The following SEC14L1 variants were observed in gnomAD, a reference collection of about 807,000 sequenced individuals.
SEC14L1 encodes SEC14-like protein 1.
Under a neutral mutation model 85.3 loss-of-function variants are expected in SEC14L1, and 48 were observed. That is an observed-to-expected ratio of 0.56 (90% CI 0.45 to 0.72). The LOEUF is 0.72. SEC14L1 is among the 30% of genes least tolerant of loss of function. SEC14L1 has a pLI of 0.00. For missense variants in SEC14L1, 682 were observed against 921.4 expected (o/e 0.74, Z 3.36); for synonymous variants, 391 against 355.5 (o/e 1.10, Z -1.12).
At chr17:77,096,917 A>T (rs1035297345) in intron 3 of SEC14L1, among the ~76,000 whole-genome samples, 1 of 152,180 alleles carries the variant, frequency 6.6e-6, no homozygotes, top group African/African-American at 2.4e-5. Context: ...GCTCTTAGTT[A>T]CGAATCTGTC....
chr17:77,166,513 A>G (rs1974288916), intron 3 of SEC14L1, among the ~76,000 whole-genome samples: 2 of 152,142 alleles, frequency 1.3e-5, no homozygotes, highest in South Asian at 4.1e-4. Context: ...TCTCATTTTA[A>G]AATGGGAGAA....
At chr17:77,179,471 T>C (rs1974911132) in intron 3 of SEC14L1, among the ~76,000 whole-genome samples, 1 of 152,160 alleles carries the variant, frequency 6.6e-6, no homozygotes, top group Admixed American at 6.5e-5. Flanking sequence ...CCTTTTTTGT[T>C]GGGTTACTTC....
Position 77,214,601 on chromosome 17 carries a change from A to G in SEC14L1, c.*578A>G. 1.0e-6 allele frequency: 1 copy of G among 987,040 alleles called. No individual in the cohort carries two copies. Among genetic ancestry groups the G allele is most frequent in the African/African-American group, 1.7e-5 (1 of 57,368 alleles). 61.1% of individuals were successfully genotyped at this position (987,040 alleles called of 1,614,324 possible). A position where few individuals can be genotyped will look rare whatever the true frequency, so the allele number is the denominator to read the frequency against. On this transcript the variant is annotated 3_prime_UTR_variant, in exon 17 of 17. Coordinates refer to ENST00000436233, the MANE Select transcript of SEC14L1 (RefSeq NM_001143998.2). ...GGAGTACCTTGTCCCAGGGCCAGAC[A>G]CACCCACACCACCCACTGTCCTGCA...
At chr17:77,102,215 C>G (rs1009432835) in intron 3 of SEC14L1, among the ~76,000 whole-genome samples, 1 of 152,258 alleles carries the variant, frequency 6.6e-6, no homozygotes, top group African/African-American at 2.4e-5. Flanking sequence ...TTTGATACAG[C>G]TAAGTGGATA....
chr17:77,214,288 GA>G lies in SEC14L1; in HGVS notation c.*269del, dbSNP rs529537118. The G allele has an allele frequency of 4.8e-4, 600 of 1,254,386 alleles. 3 individuals carry two copies. The African/African-American group carries it at 7.9e-3, about 17-fold the overall frequency. The allele number at this position is 1,254,386 out of a possible 1,614,324, so 77.7% of individuals were successfully genotyped here. ...CCAGAGCGCAAGGGCTCTCTTGAAA[GA>G]AAAGTAGTTTCTGTACCAATTAAAG... is the stretch of plus-strand genomic sequence containing the variant. On this transcript the variant is annotated 3_prime_UTR_variant, in exon 17 of 17. Coordinates refer to ENST00000436233, the MANE Select transcript of SEC14L1 (RefSeq NM_001143998.2).
intron 3 of SEC14L1, among the ~76,000 whole-genome samples, chr17:77,178,572 G>C (rs1302687586): frequency 6.6e-6 from 1 of 152,228 alleles, no homozygotes; most frequent in Non-Finnish European, 1.5e-5. Context: ...TTTTGTGGAA[G>C]ACAGTTGTTC....
chr17:77,173,359 A>G (rs1006087927), intron 3 of SEC14L1, among the ~76,000 whole-genome samples: 1 of 134,612 alleles, frequency 7.4e-6, no homozygotes, highest in South Asian at 2.7e-4. Context: ...AGGGGGCACA[A>G]CGTGAGTCGG....
At position 77,216,396 on chromosome 17, in the gene SEC14L1, A is replaced by AGTAGGTAGGGTTC. The variant is rs796243859; in HGVS notation, c.*2412_*2424dup. On this transcript the variant is annotated 3_prime_UTR_variant, in exon 17 of 17. Transcript: ENST00000436233. ...GTAGGTAGGGCTAGTAGGTAGGGCT[A>AGTAGGTAGGGTTC]GTAGGTAGGGTTCGTAGGTAGGGTT... The AGTAGGTAGGGTTC allele has an allele frequency of 4.6e-5, 55 of 1,202,812 alleles. 1 individual carries two copies. Among genetic ancestry groups the AGTAGGTAGGGTTC allele is most frequent in the Admixed American group, 1.9e-4 (6 of 31,082 alleles). 74.5% of individuals were successfully genotyped at this position (1,202,812 alleles called of 1,614,324 possible).
At chr17:77,136,795 G>A (rs1972812484), upstream of SEC14L1, among the ~76,000 whole-genome samples, 1 of 152,148 alleles carries the variant, frequency 6.6e-6, no homozygotes, top group Non-Finnish European at 1.5e-5. Flanking sequence ...ACACAGAAGG[G>A]GCCCGTGTTA....
At position 77,158,090 on chromosome 17, in the gene SEC14L1, A is replaced by G. The variant is rs149788861; in HGVS notation, c.63+14431A>G. On this transcript the variant is annotated intron_variant, in intron 3 of 16. Transcript: ENST00000436233. ...TTTTTAGTAGAGATGGGGTTTCACC[A>G]TATTGGCCAGACTGGTCTCGAACTC... Among the ~76,000 whole-genome samples, 739 of 152,296 alleles carry G rather than the reference A, an allele frequency of 4.9e-3. 7 individuals carry two copies. The highest frequency in any genetic ancestry group is 0.02 in the Middle Eastern group (6 of 294).
chr17:77,209,266 T>C, intron 13 of SEC14L1, 76 bp from the exon 14 acceptor site: 1 of 1,570,562 alleles, frequency 6.4e-7, no homozygotes, highest in Non-Finnish European at 8.7e-7. Flanking sequence ...AGGGGGATAG[T>C]GCTGGCCGGT....
chr17:77,172,953 G>T (rs945657316), intron 3 of SEC14L1, among the ~76,000 whole-genome samples: 1 of 152,160 alleles, frequency 6.6e-6, no homozygotes. Flanking sequence ...TTCTGACCTG[G>T]GGGATGCTCA....
chr17:77,197,398 A>G (rs1975870252), intron 8 of SEC14L1, among the ~76,000 whole-genome samples: 2 of 152,244 alleles, frequency 1.3e-5, no homozygotes. Context: ...CCTGCGTGTT[A>G]GTCAGCAATA....
chr17:77,160,411 A>G (rs376316728), intron 3 of SEC14L1, among the ~76,000 whole-genome samples: 71 of 152,212 alleles, frequency 4.7e-4, no homozygotes, highest in Non-Finnish European at 9.6e-4. Context: ...TTATTAGACC[A>G]AAAATTTTTC....
At chr17:77,119,588 C>T (rs186190803) in intron 3 of SEC14L1, among the ~76,000 whole-genome samples, 1 of 152,254 alleles carries the variant, frequency 6.6e-6, no homozygotes, top group African/African-American at 2.4e-5. Context: ...ATTTTATCCA[C>T]CTACAGGATC....
rs1258601828 is a variant in SEC14L1 at position 77,206,619 on chromosome 17, C to G, written c.1342-109C>G. 2.2e-6 allele frequency: 3 copies of G among 1,367,094 alleles called. No individual in the cohort carries two copies. The highest frequency in any genetic ancestry group is 3.0e-6 in the Non-Finnish European group (3 of 994,746). The allele number at this position is 1,367,094 out of a possible 1,614,324, so 84.7% of individuals were successfully genotyped here. Reference sequence around the variant, plus strand: ...AGACTTTACAGAAGAAGTATATAAACTTGAATGTCTTCCCCCCACCCTCCC... The same window carrying G: ...AGACTTTACAGAAGAAGTATATAAAGTTGAATGTCTTCCCCCCACCCTCCC... On this transcript the variant is annotated intron_variant, in intron 12 of 16. Transcript: ENST00000436233. This position sits in a 1 kb window ranked among gnomAD's most constrained non-coding sequence, Gnocchi z 4.3.
At chr17:77,169,004 C>G (rs556969161) in intron 3 of SEC14L1, among the ~76,000 whole-genome samples, 1 of 119,650 alleles carries the variant, frequency 8.4e-6, no homozygotes, top group African/African-American at 3.1e-5. Flanking sequence ...CCGTGAGGAG[C>G]ATCTTTTTTT....
intron 3 of SEC14L1, among the ~76,000 whole-genome samples, chr17:77,178,428 C>T (rs1187467289): frequency 2.6e-5 from 4 of 152,002 alleles, no homozygotes; most frequent in South Asian, 2.1e-4. Flanking sequence ...AAACTTTTTA[C>T]GTGTGAAGTT....
intron 3 of SEC14L1, among the ~76,000 whole-genome samples, chr17:77,177,302 G>A (rs140242674): frequency 2.6e-5 from 4 of 151,190 alleles, no homozygotes; most frequent in East Asian, 1.9e-4. Flanking sequence ...TATTGAGATC[G>A]TTCAGAAATG....
Sources: gnomAD v4.1 joint callset for allele counts (sites outside exome capture counted in the v4.1 genomes callset) on GRCh38, gnomAD v4.1.1 for gene constraint, Gnocchi (gnomAD v3.1) non-coding constraint, MANE v1.5 for transcripts, NCBI Gene and HGNC (gene_info 2026-07-23, HGNC 2026-07-21) for gene names.